Variants in HPSE2 observed in about 807,000 individuals in gnomAD.
The protein encoded by HPSE2 is heparanase 2 (inactive).
HPSE2 carries 38 observed loss-of-function variants against 60.5 expected under a neutral mutation model. The ratio of observed to expected loss-of-function variants is 0.63; its 90% CI spans 0.48 to 0.82. The LOEUF is 0.82. Among genes scored for constraint, HPSE2 ranks in the 40% least tolerant of loss-of-function variants. The pLI is 0.00. For missense variants in HPSE2, 713 were observed against 740.4 expected, an observed-to-expected ratio of 0.96 and a Z score of 0.43; for synonymous variants, 295 against 293.2, an observed-to-expected ratio of 1.01 and a Z score of -0.06.
intron 3 of HPSE2, among the ~76,000 whole-genome samples, chr10:99,097,083 C>T (rs1460184762): frequency 1.3e-5 from 2 of 152,148 alleles, no homozygotes; most frequent in Non-Finnish European, 2.9e-5. Context: ...AAATCCGGCT[C>T]ACTAGTTATC....
intron 5 of HPSE2, among the ~76,000 whole-genome samples, chr10:98,717,125 A>G (rs1233424759): frequency 6.6e-6 from 1 of 152,112 alleles, no homozygotes; most frequent in Non-Finnish European, 1.5e-5. Flanking sequence ...AACTTCATAA[A>G]CAAACCTCTG....
intron 3 of HPSE2, among the ~76,000 whole-genome samples, chr10:99,109,477 A>G (rs10786505): frequency 0.47 from 72,207 of 152,040 alleles, 19,512 homozygotes; most frequent in Non-Finnish European, 0.61. Flanking sequence ...ATTCCCAACT[A>G]GCACAGGGTG....
intron 9 of HPSE2, among the ~76,000 whole-genome samples, chr10:98,605,326 T>C (rs1467822433): frequency 2.0e-5 from 3 of 152,224 alleles, no homozygotes; most frequent in East Asian, 3.8e-4. Flanking sequence ...CAAGGCTTTA[T>C]GCCACCCAAC....
chr10:99,123,452 G>C (rs954530719), intron 3 of HPSE2, among the ~76,000 whole-genome samples: 2 of 152,144 alleles, frequency 1.3e-5, no homozygotes, highest in Non-Finnish European at 2.9e-5. Context: ...TTGCCTGCTA[G>C]ACTAAAAAAG....
chr10:98,836,941 A>C (rs560641425), intron 3 of HPSE2, among the ~76,000 whole-genome samples: 2 of 152,296 alleles, frequency 1.3e-5, no homozygotes, highest in African/African-American at 4.8e-5. Context: ...CGGGAGGCTG[A>C]GGAGGGAGAA....
At chr10:98,461,963 A>C in intron 11 of HPSE2, 1 of 717,812 alleles carries the variant, frequency 1.4e-6, no homozygotes, top group Non-Finnish European at 2.5e-6. Context: ...CATGGTGAAG[A>C]TTCTCTACTG....
intron 2 of HPSE2, among the ~76,000 whole-genome samples, chr10:99,197,176 C>T (rs1336760612): frequency 1.3e-5 from 2 of 151,946 alleles, no homozygotes; most frequent in Non-Finnish European, 2.9e-5. Context: ...AAAGTCAAAA[C>T]AATTAAACTC....
chr10:99,003,303 C>T (rs1956818354), intron 3 of HPSE2, among the ~76,000 whole-genome samples: 1 of 151,998 alleles, frequency 6.6e-6, no homozygotes, highest in South Asian at 2.1e-4. Context: ...AATAATGCTG[C>T]AATGAACATT....
chr10:98,840,822 C>T (rs2134689959), intron 3 of HPSE2, among the ~76,000 whole-genome samples: 1 of 152,226 alleles, frequency 6.6e-6, no homozygotes, highest in Non-Finnish European at 1.5e-5. Flanking sequence ...TCATGTTAGC[C>T]AGATTTTACT....
At chr10:98,561,861 C>T (rs1232100270) in intron 9 of HPSE2, among the ~76,000 whole-genome samples, 1 of 151,616 alleles carries the variant, frequency 6.6e-6, no homozygotes, top group Non-Finnish European at 1.5e-5. Flanking sequence ...AACAAACAAA[C>T]AAACAAACAA....
At chr10:99,001,401 G>A (rs1249278551) in intron 3 of HPSE2, among the ~76,000 whole-genome samples, 1 of 152,028 alleles carries the variant, frequency 6.6e-6, no homozygotes, top group African/African-American at 2.4e-5. Flanking sequence ...CAAAACTCTA[G>A]TCAACATTAT....
chr10:98,860,766 T>G (rs1013225985), intron 3 of HPSE2, among the ~76,000 whole-genome samples: 16 of 152,288 alleles, frequency 1.1e-4, no homozygotes, highest in Non-Finnish European at 1.5e-4. Context: ...AATGCCAATT[T>G]TTTCATAAAG....
At chr10:98,738,199 T>C (rs1438921509) in intron 4 of HPSE2, among the ~76,000 whole-genome samples, 1 of 152,200 alleles carries the variant, frequency 6.6e-6, no homozygotes, top group Non-Finnish European at 1.5e-5. Flanking sequence ...CCATCTGTTC[T>C]TTGATAAACC....
rs562095149 is a variant in HPSE2 at position 98,688,465 on chromosome 10, C to CTTTTT, written c.1004+5430_1004+5434dup. On this transcript the variant is annotated intron_variant, in intron 6 of 11. Transcript: ENST00000370552. ...GTCTGAAGAATTTCCTTTAGCATTTCTTTTTTTTTTTCTTTTTTTTTTTTT... is the reference window on the plus strand; with the variant it reads ...GTCTGAAGAATTTCCTTTAGCATTTCTTTTTTTTTTTTTTTTCTTTTTTTTTTTTT... 2.2e-3 allele frequency among the ~76,000 whole-genome samples: 229 copies of CTTTTT among 103,702 alleles called. 14 individuals are homozygous for CTTTTT. The highest frequency in any genetic ancestry group is 5.7e-3 in the Middle Eastern group (1 of 174). 68.0% of individuals were successfully genotyped at this position (103,702 alleles called of 152,430 possible).
chr10:99,023,046 T>C (rs1957297919), intron 3 of HPSE2, among the ~76,000 whole-genome samples: 1 of 152,152 alleles, frequency 6.6e-6, no homozygotes, highest in Admixed American at 6.5e-5. Flanking sequence ...AAGTGGGCTC[T>C]TGGGGTCCCT....
At chr10:98,847,260 A>T (rs1001066616) in intron 3 of HPSE2, among the ~76,000 whole-genome samples, 2 of 152,154 alleles carry the variant, frequency 1.3e-5, no homozygotes, top group Non-Finnish European at 2.9e-5. Context: ...ATATCTGGTA[A>T]CTCATTTAAT....
the HPSE2 span, among the ~76,000 whole-genome samples, chr10:99,271,938 T>C: frequency 2.8e-4 from 42 of 152,154 alleles, no homozygotes; most frequent in Non-Finnish European, 5.1e-4. Context: ...GCAAGCCACA[T>C]GTAGAAGAAT....
At chr10:98,717,082 C>T (rs1403417458) in intron 5 of HPSE2, among the ~76,000 whole-genome samples, 1 of 152,072 alleles carries the variant, frequency 6.6e-6, no homozygotes, top group Admixed American at 6.6e-5. Context: ...TTCCCTTGTA[C>T]TTTTTATGTT....
the HPSE2 span, among the ~76,000 whole-genome samples, chr10:99,285,619 C>A: frequency 6.6e-6 from 1 of 151,808 alleles, no homozygotes; most frequent in East Asian, 1.9e-4. Context: ...TGAATAGACA[C>A]TTCTCCAAAG....
Sources: gnomAD v4.1 joint callset for allele counts (sites outside exome capture counted in the v4.1 genomes callset) on GRCh38, gnomAD v4.1.1 for gene constraint, MANE v1.5 for transcripts, NCBI Gene and HGNC (gene_info 2026-07-23, HGNC 2026-07-21) for gene names.